EFHC1: variants seen among roughly 807,000 people sequenced by gnomAD.
EFHC1 encodes EF-hand domain containing 1.
Under a neutral mutation model 69.9 loss-of-function variants are expected in EFHC1, and 53 were observed. That is an observed-to-expected ratio of 0.76 (90% CI 0.61 to 0.95). EFHC1 has a LOEUF of 0.95. Ranked by LOEUF, EFHC1 falls within the 40% of genes least tolerant of loss-of-function variation. The pLI is 0.00. For synonymous variants in EFHC1, 256 were observed against 278.4 expected, an observed-to-expected ratio of 0.92 and a Z score of 0.80; for missense variants, 739 against 798.7, an observed-to-expected ratio of 0.93 and a Z score of 0.90.
At chr6:52,432,647 A>G (rs1028375049) in intron 2 of EFHC1, among the ~76,000 whole-genome samples, 1 of 152,056 alleles carries the variant, frequency 6.6e-6, no homozygotes, top group Non-Finnish European at 1.5e-5. Flanking sequence ...TCTTTCCTTC[A>G]TCTTAACTTT....
At position 52,492,413 on chromosome 6, in the gene EFHC1, AT is replaced by A. The variant is rs769076661; in HGVS notation, c.*73del. ...CTTTGAAATACACCTTACACTCTTC[AT>A]AGAGGCATTTACAGGGTTCCTGAAG... On this transcript the variant is annotated 3_prime_UTR_variant, in exon 11 of 11. Transcript: ENST00000371068. 3 of 1,430,358 alleles carry A rather than the reference AT, an allele frequency of 2.1e-6. No homozygotes were observed. The allele number at this position is 1,430,358 out of a possible 1,614,324, so 88.6% of individuals were successfully genotyped here.
chr6:52,429,019 A>G (rs1440287718), intron 2 of EFHC1, among the ~76,000 whole-genome samples: 1 of 152,074 alleles, frequency 6.6e-6, no homozygotes, highest in African/African-American at 2.4e-5. Flanking sequence ...TCATGTCCTT[A>G]GCCCACTTTT....
At chr6:52,458,227 A>G (rs1296918474) in intron 5 of EFHC1, among the ~76,000 whole-genome samples, 1 of 152,158 alleles carries the variant, frequency 6.6e-6, no homozygotes, top group East Asian at 1.9e-4. Context: ...AATGGATCAT[A>G]GACCTGGGCG....
rs138121740 is a variant in EFHC1 at position 52,426,367 on chromosome 6, C to T, written c.285+2200C>T. Among the ~76,000 whole-genome samples, 155 of 152,226 alleles carry T rather than the reference C, an allele frequency of 1.0e-3. 1 individual carries two copies. Among genetic ancestry groups the T allele is most frequent in the Non-Finnish European group, 8.8e-4 (60 of 68,006 alleles). On this transcript the variant is annotated intron_variant, in intron 2 of 10. Coordinates refer to ENST00000371068, the MANE Select transcript of EFHC1 (RefSeq NM_018100.4). ...TCTTGAAACTGTGCTCTTCTTTTGC[C>T]TCCATGACTCTCATTTTCCTCCTTC...
At chr6:52,443,696 TACTATAGTTTGA>T (rs1239416092) in intron 3 of EFHC1, among the ~76,000 whole-genome samples, 1 of 152,280 alleles carries the variant, frequency 6.6e-6, no homozygotes, top group Non-Finnish European at 1.5e-5. Flanking sequence ...TGTAGCCTTG[TACTATAGTTTGA>T]AGTCAGGTAG....
rs1466432683 is a variant in EFHC1, at chr6:52,454,307, TTC to T, written c.916+24_916+25del. 14 of 1,613,798 alleles carry T rather than the reference TTC, an allele frequency of 8.7e-6. No individual in the cohort carries two copies. Among genetic ancestry groups the T allele is most frequent in the Non-Finnish European group, 1.0e-5 (12 of 1,179,838 alleles). ...ATGCAAGTATGTTTGATTCAGTTTATTCTCTGTTACTTGGGATGTTTTTAGGT... is the reference window on the plus strand; with the variant it reads ...ATGCAAGTATGTTTGATTCAGTTTATTCTGTTACTTGGGATGTTTTTAGGT... On this transcript the variant is annotated intron_variant, in intron 5 of 10. Coordinates refer to ENST00000371068, the MANE Select transcript of EFHC1 (RefSeq NM_018100.4).
intron 5 of EFHC1, among the ~76,000 whole-genome samples, chr6:52,464,394 G>C (rs670528): frequency 0.85 from 129,161 of 152,202 alleles, 55,369 homozygotes; most frequent in African/African-American, 0.96. Flanking sequence ...TCTCCCCAAA[G>C]AGAATATTTT....
chr6:52,457,765 G>T (rs1180549738), intron 5 of EFHC1, among the ~76,000 whole-genome samples: 3 of 152,086 alleles, frequency 2.0e-5, no homozygotes, highest in Non-Finnish European at 4.4e-5. Flanking sequence ...CTTCAGACTG[G>T]CTTTCATAGT....
At chr6:52,456,005 C>G (rs1428501915) in intron 5 of EFHC1, among the ~76,000 whole-genome samples, 1 of 151,934 alleles carries the variant, frequency 6.6e-6, no homozygotes, top group Non-Finnish European at 1.5e-5. Context: ...ATAACACATG[C>G]AAAACATAGT....
In EFHC1 at chr6:52,461,845, A is replaced by G. The variant is rs952573518; in HGVS notation, c.917-3050A>G. On this transcript the variant is annotated intron_variant, in intron 5 of 10. Coordinates refer to ENST00000371068, the MANE Select transcript of EFHC1 (RefSeq NM_018100.4). ...ATTTGGGCAAAAAGCTTTGATTGAG[A>G]TGAAGAGGATCATTACCTATTGCAA... Among the ~76,000 whole-genome samples the G allele has an allele frequency of 3.3e-5, 5 of 152,210 alleles. 1 individual carries two copies. The highest frequency in any genetic ancestry group is 2.0e-4 in the Admixed American group (3 of 15,280).
rs765600505 is a variant in EFHC1, at chr6:52,420,449, G to A, written c.39G>A (p.Pro13=). The A allele has an allele frequency of 9.3e-6, 15 of 1,614,084 alleles. No homozygotes were observed. The African/African-American group carries it at 1.7e-4, about 19-fold the overall frequency. ...SNPVHGLPFL[P]GTSFKDSTKT... is the part of the protein sequence containing the mutation. The stretch of plus-strand genomic sequence containing the variant: ...CCGTGCATGGCTTGCCCTTTCTTCC[G>A]GGCACGTCCTTTAAGGACTCTACGG... The change falls in exon 1 of 11, where the codon CCG becomes CCA. Residue 13 remains proline, a synonymous_variant. Coordinates refer to ENST00000371068, the MANE Select transcript of EFHC1 (RefSeq NM_018100.4).
chr6:52,490,490 T>C (rs965708530), intron 10 of EFHC1, 140 bp downstream of exon 10: 4 of 720,556 alleles, frequency 5.6e-6, no homozygotes, highest in East Asian at 2.7e-5. Flanking sequence ...CTGTCCTGAT[T>C]AGGTATTGCC....
At chr6:52,422,926 G>A (rs541892468) in intron 1 of EFHC1, among the ~76,000 whole-genome samples, 27 of 152,214 alleles carry the variant, frequency 1.8e-4, no homozygotes, top group African/African-American at 6.0e-4. Context: ...AGGTTGCCAC[G>A]TGATCTCTAA....
chr6:52,490,192 A>T lies in EFHC1; in HGVS notation c.1693A>T (p.Thr565Ser). 6.2e-7 allele frequency: 1 copy of T among 1,614,136 alleles called. No homozygotes were observed. Residue 565 changes from threonine (T) to serine (S), a missense_variant, in exon 10 of 11, where the codon ACA becomes TCA. Coordinates refer to ENST00000371068, the MANE Select transcript of EFHC1 (RefSeq NM_018100.4). ...GVQELEALID[T>S]IQKQLKDHSC... ...GCAGGAATTGGAAGCATTAATAGAC[A>T]CAATTCAGAAGCAACTGAAAGATCA...
At position 52,479,773 on chromosome 6, in the gene EFHC1, T is replaced by G; in HGVS notation, c.1626T>G (p.Ala542=). The change falls in exon 9 of 11, where the codon GCT becomes GCG. Residue 542 remains alanine (A), a synonymous_variant. Coordinates refer to ENST00000371068, the MANE Select transcript of EFHC1 (RefSeq NM_018100.4). The stretch of plus-strand genomic sequence containing the variant: ...ATGTCCGAAAGCGAGAAGCGCCTGC[T>G]CCAGAAGCAGAAAGGTGTGTGTTTG... ...QNHVRKREAP[A]PEAESKQTEK... The G allele has an allele frequency of 6.2e-7, 1 of 1,614,134 alleles. No individual in the cohort carries two copies. Among genetic ancestry groups the G allele is most frequent in the African/African-American group, 1.3e-5 (1 of 75,022 alleles).
At chr6:52,434,310 G>A (rs1005358231) in intron 2 of EFHC1, among the ~76,000 whole-genome samples, 1 of 152,174 alleles carries the variant, frequency 6.6e-6, no homozygotes, top group Non-Finnish European at 1.5e-5. Flanking sequence ...GTGAAGCAAG[G>A]CAGAAATGGC....
At chr6:52,478,548 A>T (rs889685563) in intron 7 of EFHC1, among the ~76,000 whole-genome samples, 5 of 152,082 alleles carry the variant, frequency 3.3e-5, no homozygotes, top group Non-Finnish European at 7.4e-5. Context: ...ATATAAATTG[A>T]TTTGCTTAAA....
Position 52,438,492 on chromosome 6 carries a change from C to T in EFHC1, c.474C>T (p.Asp158=), listed in dbSNP as rs969341526. Residue 158 remains aspartate, a synonymous_variant, in exon 3 of 11, where the codon GAC becomes GAT. Coordinates refer to ENST00000371068, the MANE Select transcript of EFHC1 (RefSeq NM_018100.4). ...AACGCCAGCGGCTAGCCAAGAATGACCGGGGTGACCATTACCATTGGAAAG... is the reference window on the plus strand; with the variant it reads ...AACGCCAGCGGCTAGCCAAGAATGATCGGGGTGACCATTACCATTGGAAAG... ...LIKRQRLAKN[D]RGDHYHWKDL... 1.2e-6 allele frequency: 2 copies of T among 1,613,874 alleles called. No individual in the cohort carries two copies. The highest frequency in any genetic ancestry group is 2.7e-5 in the African/African-American group (2 of 74,896).
At chr6:52,488,070 G>GGGGAAT (rs1452295643) in intron 9 of EFHC1, 2 of 152,188 alleles carry the variant, frequency 1.3e-5, no homozygotes, top group African/African-American at 4.8e-5. Context: ...GCTGTATAAA[G>GGGGAAT]GGGAATGGGA....
Sources: allele counts gnomAD v4.1 joint callset (sites outside exome capture counted in the v4.1 genomes callset), GRCh38; gene constraint gnomAD v4.1.1; transcripts MANE v1.5; gene names NCBI Gene and HGNC (gene_info 2026-07-23, HGNC 2026-07-21).